Variants in KANK1 observed in about 807,000 individuals in gnomAD.
KANK1 encodes the protein KN motif and ankyrin repeat domain-containing protein 1.
In KANK1, 109 loss-of-function variants were observed where a neutral mutation model predicts 106.2. The ratio of observed to expected loss-of-function variants is 1.03; its 90% CI spans 0.88 to 1.20. KANK1 has a LOEUF of 1.20. Ranked by LOEUF, KANK1 falls within the 50% of genes most tolerant of loss-of-function variation. The pLI is 0.00. For synonymous variants in KANK1, 873 were observed against 652.2 expected, an observed-to-expected ratio of 1.34 and a Z score of -5.16; for missense variants, 2,399 against 1,710.7, an observed-to-expected ratio of 1.40 and a Z score of -7.10.
chr9:713,173 C>A lies in KANK1; in HGVS notation c.2407C>A (p.Pro803Thr). The part of the protein sequence containing the change: ...SRRSVGVGDD[P>T]VGESLENPQP... ...AAGGAGCGTGGGGGTTGGGGATGAC[C>A]CTGTAGGGGAATCTCTGGAGAACCC... Residue 803 changes from proline (P) to threonine (T), a missense_variant, in exon 3 of 12, where the codon CCT (proline) becomes ACT (threonine). Pro to Thr is a conservative substitution (Grantham distance 38). Coordinates refer to ENST00000382297, the MANE Select transcript of KANK1 (RefSeq NM_015158.5). 6.3e-7 allele frequency: 1 copy of A among 1,586,322 alleles called. No homozygotes were observed. The highest frequency in any genetic ancestry group is 8.6e-7 in the Non-Finnish European group (1 of 1,166,156).
rs538966928 is a variant in KANK1 at position 634,705 on chromosome 9, G to A, written c.-83-42185G>A. Among the ~76,000 whole-genome samples the A allele has an allele frequency of 7.9e-4, 120 of 152,252 alleles. 1 individual carries two copies. Among genetic ancestry groups the A allele is most frequent in the African/African-American group, 2.8e-3 (117 of 41,542 alleles). ...TTAAATTACAAACTAAATTTCTCCC[G>A]TGGTTATCTTAGCCCATGCCCAGGA... is the stretch of plus-strand genomic sequence containing the variant. On this transcript the variant is annotated intron_variant, in intron 1 of 11. Transcript: ENST00000382297.
chr9:742,882 C>G (rs1413687225), intron 10 of KANK1, among the ~76,000 whole-genome samples: 1 of 152,206 alleles, frequency 6.6e-6, no homozygotes, highest in Non-Finnish European at 1.5e-5. Flanking sequence ...GCTTGTGACA[C>G]AACATATGCC....
chr9:673,200 C>CTT (rs542647158), intron 1 of KANK1, among the ~76,000 whole-genome samples: 8,028 of 97,278 alleles, frequency 0.083, 1,337 homozygotes, highest in Non-Finnish European at 0.11. Context: ...ACAGTGTCTT[C>CTT]TTTTTTTTTT....
At chr9:519,086 C>A (rs543426404) in intron 1 of KANK1, among the ~76,000 whole-genome samples, 1 of 151,570 alleles carries the variant, frequency 6.6e-6, no homozygotes, top group African/African-American at 2.4e-5. Flanking sequence ...AACGGGGTTT[C>A]TCCATGTTGG....
At chr9:619,617 A>G (rs1367922552) in intron 1 of KANK1, among the ~76,000 whole-genome samples, 1 of 152,172 alleles carries the variant, frequency 6.6e-6, no homozygotes, top group African/African-American at 2.4e-5. Flanking sequence ...ATAAGTGATG[A>G]TCCACAAGAA....
At chr9:567,928 C>G (rs1337276102) in intron 1 of KANK1, among the ~76,000 whole-genome samples, 1 of 151,870 alleles carries the variant, frequency 6.6e-6, no homozygotes, top group Non-Finnish European at 1.5e-5. Flanking sequence ...TCCAAAGTCA[C>G]CAGCATGGAC....
intron 1 of KANK1, among the ~76,000 whole-genome samples, chr9:625,961 C>G (rs946153068): frequency 6.6e-6 from 1 of 152,028 alleles, no homozygotes; most frequent in Non-Finnish European, 1.5e-5. Flanking sequence ...TCAGAAACTC[C>G]CCTGCACTCC....
intron 2 of KANK1, among the ~76,000 whole-genome samples, chr9:682,561 C>T (rs1817782383): frequency 6.6e-6 from 1 of 152,098 alleles, no homozygotes; most frequent in Admixed American, 6.5e-5. Flanking sequence ...GGTGTTTCTA[C>T]CAGTTGAAGT....
chr9:482,547 AAC>A (rs1461624407), intron 3 of KANK1, among the ~76,000 whole-genome samples: 1 of 152,204 alleles, frequency 6.6e-6, no homozygotes, highest in Non-Finnish European at 1.5e-5. Context: ...GGGGTTAAAT[AAC>A]ACATGCAAAG....
At position 634,177 on chromosome 9, in the gene KANK1, A is replaced by G. The variant is rs530315784; in HGVS notation, c.-83-42713A>G. Among the ~76,000 whole-genome samples, 9 of 152,326 alleles carry G rather than the reference A, an allele frequency of 5.9e-5. No individual in the cohort carries two copies. The South Asian group carries it at 1.0e-3, about 18-fold the overall frequency. ...ATGTGGAAAATGGAGTTATTATTCA[A>G]ATCAATCTCCCCAAAGGCTCAGAGA... On this transcript the variant is annotated intron_variant, in intron 1 of 11. Transcript: ENST00000382297.
intron 1 of KANK1, among the ~76,000 whole-genome samples, chr9:582,244 G>A (rs1363458894): frequency 6.6e-6 from 1 of 152,102 alleles, no homozygotes; most frequent in Non-Finnish European, 1.5e-5. Context: ...TGGGGGGTGT[G>A]TGTGGCTTTA....
chr9:680,299 C>T (rs1215663525), intron 2 of KANK1, among the ~76,000 whole-genome samples: 1 of 152,130 alleles, frequency 6.6e-6, no homozygotes, highest in Non-Finnish European at 1.5e-5. Context: ...CATCCGACGA[C>T]TGATCATCTC....
Position 526,701 on chromosome 9 carries a change from C to A in KANK1, c.-84+21947C>A, listed in dbSNP as rs144720290. Reference sequence around the variant, plus strand: ...CTGCTTTTCCCACCTGATTCCCTCTCCTCAGAGGAATCTCTCATCTATCTT... The same window carrying A: ...CTGCTTTTCCCACCTGATTCCCTCTACTCAGAGGAATCTCTCATCTATCTT... On this transcript the variant is annotated intron_variant, in intron 1 of 11. Coordinates refer to ENST00000382297, the MANE Select transcript of KANK1 (RefSeq NM_015158.5). 3.1e-3 allele frequency among the ~76,000 whole-genome samples: 473 copies of A among 151,994 alleles called. 22 individuals carry two copies. The highest frequency in any genetic ancestry group is 0.011 in the African/African-American group (458 of 41,260).
Position 649,623 on chromosome 9 carries a change from A to G in KANK1, c.-83-27267A>G, listed in dbSNP as rs796085159. Reference sequence around the variant, plus strand: ...AGCATGTGTTTGTTCACTGTGGCACAGAACAGTAGCTTTGACACTTCAGTA... The same window carrying G: ...AGCATGTGTTTGTTCACTGTGGCACGGAACAGTAGCTTTGACACTTCAGTA... On this transcript the variant is annotated intron_variant, in intron 1 of 11. Coordinates refer to ENST00000382297, the MANE Select transcript of KANK1 (RefSeq NM_015158.5). 8.5e-5 allele frequency among the ~76,000 whole-genome samples: 13 copies of G among 152,340 alleles called. No individual in the cohort carries two copies. The South Asian group carries it at 2.7e-3, about 32-fold the overall frequency.
At chr9:630,178 T>G (rs1336698280) in intron 1 of KANK1, among the ~76,000 whole-genome samples, 2 of 151,050 alleles carry the variant, frequency 1.3e-5, no homozygotes, top group East Asian at 1.9e-4. Context: ...AGGCTGGGAG[T>G]TCGAGGCTGC....
chr9:525,334 A>T (rs1192240182), intron 1 of KANK1, among the ~76,000 whole-genome samples: 2 of 145,328 alleles, frequency 1.4e-5, no homozygotes, highest in Admixed American at 1.4e-4. Context: ...GATTTCTGAC[A>T]GAATATGTAT....
intron 3 of KANK1, among the ~76,000 whole-genome samples, chr9:716,966 G>T (rs1248190034): frequency 6.9e-6 from 1 of 145,476 alleles, no homozygotes; most frequent in African/African-American, 2.5e-5. Context: ...CTGGGTGACA[G>T]AATGAGACCT....
intron 1 of KANK1, among the ~76,000 whole-genome samples, chr9:581,339 A>G (rs769497063): frequency 2.1e-4 from 32 of 152,144 alleles, no homozygotes; most frequent in Non-Finnish European, 4.1e-4. Flanking sequence ...GACCCTTTAC[A>G]TGGCATTGGT....
chr9:649,882 G>T (rs1840507169), intron 1 of KANK1, among the ~76,000 whole-genome samples: 1 of 152,164 alleles, frequency 6.6e-6, no homozygotes, highest in African/African-American at 2.4e-5. Context: ...CAGCTTGAAA[G>T]GATGGCTCTA....
Sources: allele counts gnomAD v4.1 joint callset (sites outside exome capture counted in the v4.1 genomes callset), GRCh38; gene constraint gnomAD v4.1.1; transcripts MANE v1.5; gene names NCBI Gene and HGNC (gene_info 2026-07-23, HGNC 2026-07-21).